SAMMSON: variants seen among roughly 807,000 people sequenced by gnomAD.
The protein encoded by SAMMSON is survival associated mitochondrial melanoma specific oncogenic non-coding RNA.
intron 3 of SAMMSON, among the ~76,000 whole-genome samples, chr3:70,063,097 C>A (rs1341258371): frequency 6.6e-6 from 1 of 151,324 alleles, no homozygotes; most frequent in Non-Finnish European, 1.5e-5. Flanking sequence ...CCCCCCCACC[C>A]CCGCCGCATT....
chr3:70,115,284 G>A (rs181055169), intron 4 of SAMMSON, among the ~76,000 whole-genome samples: 1 of 151,232 alleles, frequency 6.6e-6, no homozygotes, highest in East Asian at 1.9e-4. Context: ...TCTAGTAATT[G>A]GCTGAGTCAG....
intron 1 of SAMMSON, among the ~76,000 whole-genome samples, chr3:70,010,155 C>T (rs2066947558): frequency 1.3e-5 from 2 of 152,098 alleles, no homozygotes; most frequent in East Asian, 3.9e-4. Flanking sequence ...TCTATTAGGT[C>T]TGCTTGGTGC....
At chr3:70,270,622 T>C (rs765006593) in intron 6 of SAMMSON, among the ~76,000 whole-genome samples, 2 of 152,214 alleles carry the variant, frequency 1.3e-5, no homozygotes, top group Non-Finnish European at 2.9e-5. Context: ...TCTATGTATA[T>C]ACAGGAGTGA....
At chr3:70,099,724 G>C (rs543831394) in intron 4 of SAMMSON, among the ~76,000 whole-genome samples, 1 of 152,252 alleles carries the variant, frequency 6.6e-6, no homozygotes, top group African/African-American at 2.4e-5. Flanking sequence ...TCCTACTTAA[G>C]TTTTGGCAAA....
chr3:70,260,166 A>C (rs550956306), intron 6 of SAMMSON, among the ~76,000 whole-genome samples: 2 of 152,192 alleles, frequency 1.3e-5, no homozygotes, highest in Non-Finnish European at 2.9e-5. Context: ...GTTCCCTCTG[A>C]AACATCCTGC....
intron 4 of SAMMSON, among the ~76,000 whole-genome samples, chr3:70,193,147 G>A (rs1161519071): frequency 1.3e-5 from 2 of 152,130 alleles, no homozygotes; most frequent in Non-Finnish European, 2.9e-5. Context: ...ACCAGAAGGA[G>A]GCATATTTAT....
At chr3:70,068,511 C>T (rs1337028227) in intron 3 of SAMMSON, 11 of 151,964 alleles carry the variant, frequency 7.2e-5, no homozygotes, top group African/African-American at 9.7e-5. Flanking sequence ...TAGCAGTAAC[C>T]GCTTATGGGA....
chr3:70,210,602 T>G (rs1701333476), intron 4 of SAMMSON, among the ~76,000 whole-genome samples: 1 of 152,118 alleles, frequency 6.6e-6, no homozygotes, highest in Non-Finnish European at 1.5e-5. Context: ...AGTAGAAACA[T>G]AAAAAGTAGT....
chr3:70,156,027 G>T (rs1046176331), intron 4 of SAMMSON, among the ~76,000 whole-genome samples: 3 of 152,016 alleles, frequency 2.0e-5, no homozygotes, highest in African/African-American at 7.2e-5. Context: ...CAAGCAATTT[G>T]CTCAAAGCTT....
At chr3:70,374,328 G>C (rs1015530633) in intron 9 of SAMMSON, among the ~76,000 whole-genome samples, 11 of 152,144 alleles carry the variant, frequency 7.2e-5, no homozygotes, top group Non-Finnish European at 1.6e-4. Flanking sequence ...TTCTTGGTAT[G>C]ATGAGTGATT....
At chr3:70,051,047 A>G (rs571614242) in intron 3 of SAMMSON, among the ~76,000 whole-genome samples, 13 of 140,988 alleles carry the variant, frequency 9.2e-5, no homozygotes, top group African/African-American at 3.4e-4. Flanking sequence ...GAGGCAGGAG[A>G]TTGCTTGAAC....
chr3:70,160,248 G>T, intron 4 of SAMMSON, among the ~76,000 whole-genome samples: 1 of 150,522 alleles, frequency 6.6e-6, no homozygotes, highest in African/African-American at 2.4e-5. Flanking sequence ...AAGATTTTCT[G>T]TTTTCTTCTA....
intron 6 of SAMMSON, among the ~76,000 whole-genome samples, chr3:70,271,526 C>T (rs971749959): frequency 2.0e-5 from 3 of 152,176 alleles, no homozygotes; most frequent in Non-Finnish European, 2.9e-5. Context: ...TAACAAACAT[C>T]ACCCTGGCCT....
At chr3:70,297,192 A>G (rs185883929) in intron 7 of SAMMSON, among the ~76,000 whole-genome samples, 2 of 152,280 alleles carry the variant, frequency 1.3e-5, no homozygotes, top group East Asian at 3.9e-4. Flanking sequence ...GATGATTTAA[A>G]TAAGTGTATG....
intron 3 of SAMMSON, among the ~76,000 whole-genome samples, chr3:70,064,145 T>C (rs1425893672): frequency 1.3e-5 from 2 of 152,122 alleles, no homozygotes; most frequent in Non-Finnish European, 2.9e-5. Context: ...CAAATATCTG[T>C]GGGATAAAAA....
In SAMMSON at chr3:70,207,612, A is replaced by T. The variant is rs537074786; in HGVS notation, n.508-41495A>T. On this transcript the variant is annotated intron_variant and non_coding_transcript_variant, in intron 4 of 9. Transcript: ENST00000642114. ...AATACAACAAATCCTAGATACACAGATTGAAAATATTCAGAAAAAGCTCCC... is the reference window on the plus strand; with the variant it reads ...AATACAACAAATCCTAGATACACAGTTTGAAAATATTCAGAAAAAGCTCCC... 3.9e-5 allele frequency among the ~76,000 whole-genome samples: 6 copies of T among 151,934 alleles called. No homozygotes were observed. The East Asian group carries it at 1.2e-3, about 29-fold the overall frequency.
intron 1 of SAMMSON, among the ~76,000 whole-genome samples, chr3:70,003,139 ATTTTG>A (rs897885870): frequency 6.6e-6 from 1 of 152,036 alleles, no homozygotes; most frequent in Non-Finnish European, 1.5e-5. Flanking sequence ...CAGAAAATAT[ATTTTG>A]TTTTATTTCA....
intron 9 of SAMMSON, among the ~76,000 whole-genome samples, chr3:70,386,454 A>G: frequency 6.6e-6 from 1 of 152,104 alleles, no homozygotes; most frequent in Non-Finnish European, 1.5e-5. Context: ...AAATAAATTC[A>G]TTTGAACTTT....
At chr3:70,351,756 C>T (rs891455450) in intron 7 of SAMMSON, among the ~76,000 whole-genome samples, 3 of 152,036 alleles carry the variant, frequency 2.0e-5, no homozygotes, top group Admixed American at 6.6e-5. Context: ...TAACCAAGAA[C>T]GAGGCACCCT....
Sources: allele counts gnomAD v4.1 joint callset (sites outside exome capture counted in the v4.1 genomes callset), GRCh38; gene constraint gnomAD v4.1.1; transcripts MANE v1.5; gene names NCBI Gene and HGNC (gene_info 2026-07-23, HGNC 2026-07-21).